The following DOK6 variants were observed in gnomAD, a reference collection of about 807,000 sequenced individuals.
DOK6 encodes docking protein 6.
A neutral mutation model predicts 44.0 loss-of-function variants in DOK6; 22 were observed. The ratio of observed to expected loss-of-function variants is 0.50; its 90% CI spans 0.36 to 0.71. The LOEUF (loss-of-function observed/expected upper bound fraction) is 0.71, where lower values mean the gene tolerates loss of function less well. DOK6 is among the 30% of genes least tolerant of loss of function. DOK6 has a pLI of 0.00. For missense variants in DOK6, 340 were observed against 416.4 expected (o/e 0.82, Z 1.60); for synonymous variants, 166 against 145.5 (o/e 1.14, Z -1.01).
intron 1 of DOK6, among the ~76,000 whole-genome samples, chr18:69,556,175 C>T (rs1982680655): frequency 6.6e-6 from 1 of 152,182 alleles, no homozygotes; most frequent in Admixed American, 6.5e-5. Context: ...GCCAAGATCC[C>T]TTCCTGACCT....
At chr18:69,526,385 C>G (rs1239080356) in intron 1 of DOK6, among the ~76,000 whole-genome samples, 2 of 152,120 alleles carry the variant, frequency 1.3e-5, no homozygotes, top group Admixed American at 1.3e-4. Flanking sequence ...ATCAATTATG[C>G]TTTCAGTTAA....
intron 1 of DOK6, among the ~76,000 whole-genome samples, chr18:69,432,254 G>A (rs1186565101): frequency 6.6e-6 from 1 of 152,086 alleles, no homozygotes; most frequent in African/African-American, 2.4e-5. Flanking sequence ...ACCAGCCTGG[G>A]CAACATGGCA....
intron 3 of DOK6, among the ~76,000 whole-genome samples, chr18:69,655,838 A>G: frequency 6.6e-6 from 1 of 151,236 alleles, no homozygotes; most frequent in Non-Finnish European, 1.5e-5. Context: ...TAAAATATGA[A>G]AAATAAAATA....
intron 1 of DOK6, among the ~76,000 whole-genome samples, chr18:69,468,613 C>G (rs891194015): frequency 2.0e-5 from 3 of 152,098 alleles, no homozygotes; most frequent in Admixed American, 6.5e-5. Flanking sequence ...CTGAGAAGCA[C>G]GGATGTGGCT....
chr18:69,761,411 G>A (rs1385901323), intron 7 of DOK6, among the ~76,000 whole-genome samples: 3 of 152,172 alleles, frequency 2.0e-5, no homozygotes, highest in East Asian at 3.9e-4. Flanking sequence ...GCTGGTGTGT[G>A]TTGGGAGTGG....
chr18:69,551,588 G>A (rs1982567103), intron 1 of DOK6, among the ~76,000 whole-genome samples: 1 of 152,142 alleles, frequency 6.6e-6, no homozygotes, highest in Non-Finnish European at 1.5e-5. Flanking sequence ...AGGTTCCTCT[G>A]CTCAGGAAAT....
chr18:69,548,952 G>T (rs1982485022), intron 1 of DOK6, among the ~76,000 whole-genome samples: 1 of 151,136 alleles, frequency 6.6e-6, no homozygotes, highest in Admixed American at 6.6e-5. Flanking sequence ...AAAATTAGCT[G>T]GGCGAGGTGG....
chr18:69,702,154 T>TA (rs531551355), intron 5 of DOK6, among the ~76,000 whole-genome samples: 3,987 of 149,056 alleles, frequency 0.027, 77 homozygotes, highest in East Asian at 0.075. Flanking sequence ...TTTTTTTTTT[T>TA]AAATATCATT....
intron 7 of DOK6, among the ~76,000 whole-genome samples, chr18:69,812,165 G>A (rs544770433): frequency 1.3e-5 from 2 of 152,170 alleles, no homozygotes; most frequent in East Asian, 1.9e-4. Context: ...CACAGAGGGT[G>A]GAATCTTAGC....
At chr18:69,526,000 G>T (rs1219041638) in intron 1 of DOK6, among the ~76,000 whole-genome samples, 1 of 151,998 alleles carries the variant, frequency 6.6e-6, no homozygotes, top group East Asian at 1.9e-4. Flanking sequence ...AAGCCAGTAT[G>T]TATATAAATA....
chr18:69,703,917 T>C (rs563688165), intron 5 of DOK6, among the ~76,000 whole-genome samples: 1 of 152,284 alleles, frequency 6.6e-6, no homozygotes, highest in South Asian at 2.1e-4. Flanking sequence ...ATTGATAGGA[T>C]CGGTGGCTTT....
At chr18:69,819,594 T>G (rs1981506860) in intron 7 of DOK6, among the ~76,000 whole-genome samples, 1 of 152,198 alleles carries the variant, frequency 6.6e-6, no homozygotes, top group African/African-American at 2.4e-5. Flanking sequence ...AAAATGACAA[T>G]GTTATACGAC....
intron 5 of DOK6, among the ~76,000 whole-genome samples, chr18:69,705,918 T>TAA (rs34296321): frequency 6.9e-6 from 1 of 145,836 alleles, no homozygotes; most frequent in Non-Finnish European, 1.5e-5. Flanking sequence ...TAAATGTGAT[T>TAA]AAAAAAAAAA....
intron 1 of DOK6, among the ~76,000 whole-genome samples, chr18:69,545,530 AAAAG>A (rs1982381871): frequency 6.7e-6 from 1 of 150,270 alleles, no homozygotes. Flanking sequence ...AAAAAAAAAA[AAAAG>A]AAAAGAAAAA....
intron 6 of DOK6, among the ~76,000 whole-genome samples, chr18:69,742,971 G>T (rs1978856336): frequency 6.6e-6 from 1 of 151,856 alleles, no homozygotes; most frequent in South Asian, 2.1e-4. Flanking sequence ...CTCTGTATTA[G>T]AAGATGACAT....
At chr18:69,531,920 T>C (rs1981996750) in intron 1 of DOK6, among the ~76,000 whole-genome samples, 1 of 152,126 alleles carries the variant, frequency 6.6e-6, no homozygotes, top group Non-Finnish European at 1.5e-5. Context: ...TATTAGGAGA[T>C]GGGGTCTTTG....
At chr18:69,548,263 A>AT (rs970945264) in intron 1 of DOK6, among the ~76,000 whole-genome samples, 1 of 151,050 alleles carries the variant, frequency 6.6e-6, no homozygotes, top group African/African-American at 2.4e-5. Flanking sequence ...TCATATATAT[A>AT]TTTTTTTAAT....
chr18:69,443,897 T>G (rs569296079), intron 1 of DOK6, among the ~76,000 whole-genome samples: 1 of 152,198 alleles, frequency 6.6e-6, no homozygotes, highest in East Asian at 1.9e-4. Flanking sequence ...TGTGCTCCCT[T>G]AACCTGCTGT....
chr18:69,521,068 A>C (rs1478920825), intron 1 of DOK6, among the ~76,000 whole-genome samples: 1 of 151,948 alleles, frequency 6.6e-6, no homozygotes, highest in Non-Finnish European at 1.5e-5. Flanking sequence ...ACAGGTGGTC[A>C]TGGTAGAATA....
Sources: gnomAD v4.1 joint callset for allele counts (sites outside exome capture counted in the v4.1 genomes callset) on GRCh38, gnomAD v4.1.1 for gene constraint, MANE v1.5 for transcripts, NCBI Gene and HGNC (gene_info 2026-07-23, HGNC 2026-07-21) for gene names.